Variants in TNIK observed in about 807,000 individuals in gnomAD.
TNIK encodes the protein TRAF2 and NCK interacting kinase.
In TNIK, 49 loss-of-function variants were observed where a neutral mutation model predicts 191.3. The observed-to-expected ratio is 0.26, with a 90% confidence interval of 0.20 to 0.32. The LOEUF (loss-of-function observed/expected upper bound fraction) is 0.32. Among genes scored for constraint, TNIK ranks in the 10% least tolerant of loss-of-function variants. The pLI is 1.00. For synonymous variants in TNIK, 594 were observed against 600.9 expected (o/e 0.99, Z 0.17); for missense variants, 1,155 against 1,702.3 (o/e 0.68, Z 5.66).
chr3:171,095,664 G>A (rs751208382), intron 22 of TNIK, among the ~76,000 whole-genome samples: 30 of 152,070 alleles, frequency 2.0e-4, no homozygotes, highest in Non-Finnish European at 4.0e-4. Context: ...TGTCTCTGGG[G>A]CAGAGAAAGA....
chr3:171,244,067 T>TTTTG (rs1553867271), intron 2 of TNIK, among the ~76,000 whole-genome samples: 1 of 150,934 alleles, frequency 6.6e-6, no homozygotes, highest in Non-Finnish European at 1.5e-5. Context: ...ATAGTTTTTT[T>TTTTG]TTTTTTTTTT....
intron 2 of TNIK, among the ~76,000 whole-genome samples, chr3:171,350,246 CTG>C (rs1712918655): frequency 6.6e-6 from 1 of 152,142 alleles, no homozygotes; most frequent in African/African-American, 2.4e-5. Context: ...GTCTTAACCT[CTG>C]TATTTGTTCC....
At chr3:171,067,962 TTC>T (rs1718684143) in intron 30 of TNIK, among the ~76,000 whole-genome samples, 1 of 152,196 alleles carries the variant, frequency 6.6e-6, no homozygotes, top group Non-Finnish European at 1.5e-5. Flanking sequence ...CTGAAACAAC[TTC>T]TTTTAGTTAT....
At chr3:171,168,343 C>T (rs1734866039) in intron 9 of TNIK, among the ~76,000 whole-genome samples, 1 of 152,206 alleles carries the variant, frequency 6.6e-6, no homozygotes. Context: ...TGTTGCTCTC[C>T]TGTGGTGCAC....
At position 171,060,124 on chromosome 3, in the gene TNIK, T is replaced by A. The variant is rs1480847482; in HGVS notation, c.*3757A>T. On this transcript the variant is annotated 3_prime_UTR_variant, in exon 33 of 33. Transcript: ENST00000436636. ...GACTTTCAAAGACAGCACACACTGT[T>A]AACACAAAGAGCTCTTCCACGTTTC... Among the ~76,000 whole-genome samples, 2 of 152,210 alleles carry A rather than the reference T, an allele frequency of 1.3e-5. No individual in the cohort carries two copies. The highest frequency in any genetic ancestry group is 2.9e-5 in the Non-Finnish European group (2 of 68,030).
intron 2 of TNIK, among the ~76,000 whole-genome samples, chr3:171,328,381 G>A (rs1756050842): frequency 6.6e-6 from 1 of 152,174 alleles, no homozygotes; most frequent in Admixed American, 6.5e-5. Flanking sequence ...CAGCCCAGAT[G>A]ACTGGGACAC....
chr3:171,416,834 CTCTT>C (rs1723152338), intron 1 of TNIK, among the ~76,000 whole-genome samples: 2 of 152,200 alleles, frequency 1.3e-5, no homozygotes, highest in South Asian at 4.1e-4. Flanking sequence ...ATTATTCTCT[CTCTT>C]TCTTTCTCTT....
At chr3:171,320,136 G>C (rs1469773172) in intron 2 of TNIK, among the ~76,000 whole-genome samples, 2 of 152,102 alleles carry the variant, frequency 1.3e-5, no homozygotes, top group Admixed American at 6.5e-5. Flanking sequence ...AGAGGAAAGG[G>C]GGTCCTCCAT....
At chr3:171,209,603 A>T (rs1310904968) in intron 4 of TNIK, among the ~76,000 whole-genome samples, 1 of 152,110 alleles carries the variant, frequency 6.6e-6, no homozygotes, top group Non-Finnish European at 1.5e-5. Flanking sequence ...TTATATGTTG[A>T]ATCTTCATAT....
At chr3:171,153,815 C>T (rs1732790198) in intron 12 of TNIK, among the ~76,000 whole-genome samples, 1 of 152,196 alleles carries the variant, frequency 6.6e-6, no homozygotes, top group Non-Finnish European at 1.5e-5. Context: ...TAGCGGGACT[C>T]TGACCAAGCC....
intron 2 of TNIK, among the ~76,000 whole-genome samples, chr3:171,246,114 A>C (rs910071209): frequency 6.6e-6 from 1 of 152,134 alleles, no homozygotes; most frequent in Non-Finnish European, 1.5e-5. Flanking sequence ...AGGGTGAGAA[A>C]GGTTGGATTG....
chr3:171,373,344 T>G (rs1716783935), intron 1 of TNIK, among the ~76,000 whole-genome samples: 1 of 152,050 alleles, frequency 6.6e-6, no homozygotes, highest in African/African-American at 2.4e-5. Flanking sequence ...TCTCACAGAT[T>G]CTATAATATT....
chr3:171,272,886 A>G (rs932362202), intron 2 of TNIK, among the ~76,000 whole-genome samples: 3 of 152,170 alleles, frequency 2.0e-5, no homozygotes, highest in African/African-American at 4.8e-5. Context: ...GGGTGAGGTC[A>G]GGTTTCCCTG....
At chr3:171,194,387 G>T in intron 5 of TNIK, 138 bp downstream of exon 5, 1 of 746,358 alleles carries the variant, frequency 1.3e-6, no homozygotes, top group Non-Finnish European at 2.2e-6. Flanking sequence ...CACCACCACT[G>T]ATAGGATAAA....
At chr3:171,397,395 T>A (rs2108564998) in intron 1 of TNIK, among the ~76,000 whole-genome samples, 1 of 152,294 alleles carries the variant, frequency 6.6e-6, no homozygotes, top group East Asian at 1.9e-4. Flanking sequence ...CGCCTCTGAA[T>A]TTTAACACAG....
At chr3:171,368,943 T>TC (rs1362242956) in intron 2 of TNIK, among the ~76,000 whole-genome samples, 1 of 150,848 alleles carries the variant, frequency 6.6e-6, no homozygotes, top group African/African-American at 2.4e-5. Context: ...TTTTTTTTGT[T>TC]TTTTTTTTTG....
rs1356053191 is a variant in TNIK at position 171,159,280 on chromosome 3, A to T, written c.1017-1616T>A. Among the ~76,000 whole-genome samples the T allele has an allele frequency of 6.6e-6, 1 of 151,518 alleles. No homozygotes were observed. Among genetic ancestry groups the T allele is most frequent in the East Asian group, 1.9e-4 (1 of 5,150 alleles). On this transcript the variant is annotated intron_variant, in intron 11 of 32. Transcript: ENST00000436636. The surrounding 1 kb of genome is among the most constrained non-coding windows in gnomAD (Gnocchi z 4.1). ...GATCTGACATGTGGAGTGAGGGATG[A>T]CTTGCAGGTTCTGTCTTGGTGGCTG...
chr3:171,413,161 T>C (rs540198416), intron 1 of TNIK, among the ~76,000 whole-genome samples: 70 of 152,364 alleles, frequency 4.6e-4, no homozygotes, highest in Middle Eastern at 3.4e-3. Context: ...TAATATCATA[T>C]GCGCATACAT....
Position 171,280,909 on chromosome 3 carries a change from C to T in TNIK, c.124-52688G>A, listed in dbSNP as rs140336125. On this transcript the variant is annotated intron_variant, in intron 2 of 32. Transcript: ENST00000436636. The stretch of plus-strand genomic sequence containing the variant: ...TGCTGTTATGTTACTATAATGCTGA[C>T]CATGGCTCTACAGGAATAACCTAGA... 6.7e-4 allele frequency among the ~76,000 whole-genome samples: 102 copies of T among 152,194 alleles called. 1 individual carries two copies. Among genetic ancestry groups the T allele is most frequent in the Non-Finnish European group, 2.8e-4 (19 of 68,002 alleles).
Sources: allele counts gnomAD v4.1 joint callset (sites outside exome capture counted in the v4.1 genomes callset), GRCh38; gene constraint gnomAD v4.1.1; non-coding constraint Gnocchi (gnomAD v3.1); transcripts MANE v1.5; gene names NCBI Gene and HGNC (gene_info 2026-07-23, HGNC 2026-07-21).